USP9X: variants seen among roughly 807,000 people sequenced by gnomAD.
The protein encoded by USP9X is ubiquitin specific peptidase 9 X-linked, also known as ubiquitin carboxyl-terminal hydrolase 9X.
Under a neutral mutation model 190.3 loss-of-function variants are expected in USP9X, and 7 were observed. That is an observed-to-expected ratio of 0.04 (90% CI 0.02 to 0.07). The LOEUF is 0.07. USP9X is among the 10% of genes least tolerant of loss of function. The probability of loss-of-function intolerance (pLI) is 1.00; values close to 1 mark genes in which losing one functional copy is unlikely to be tolerated. For missense variants in USP9X, 1,010 were observed against 1,916.9 expected, an observed-to-expected ratio of 0.53 and a Z score of 8.83; for synonymous variants, 645 against 659.5, an observed-to-expected ratio of 0.98 and a Z score of 0.34.
chrX:41,198,276 AT>A (rs1256875224), intron 29 of USP9X, among the ~76,000 whole-genome samples: 1 of 112,250 alleles, frequency 8.9e-6, no homozygotes, highest in Non-Finnish European at 1.9e-5. Flanking sequence ...TAAAATAAAA[AT>A]TTTGATAAGT....
intron 41 of USP9X, among the ~76,000 whole-genome samples, chrX:41,228,662 T>C (rs1170872773): frequency 7.1e-5 from 8 of 112,143 alleles, no homozygotes; most frequent in African/African-American, 2.3e-4. Flanking sequence ...TCGAGTGTCC[T>C]GAATTCACTT....
chrX:41,223,502 A>G, intron 39 of USP9X, 100 bp downstream of exon 39: 1 of 893,185 alleles, frequency 1.1e-6, no homozygotes, highest in Non-Finnish European at 1.6e-6. Context: ...CAATGGCGTG[A>G]TCTCGGCTCA....
intron 28 of USP9X, among the ~76,000 whole-genome samples, 185 bp from the exon 29 acceptor site, chrX:41,197,174 GTAGTT>G (rs2147190929): frequency 9.0e-6 from 1 of 111,678 alleles, no homozygotes; most frequent in Non-Finnish European, 1.9e-5. Flanking sequence ...ATTTCTTCTA[GTAGTT>G]CATAAAGCCA....
chrX:41,128,973 A>T (rs1349532977), intron 2 of USP9X, 27 bp from the exon 3 acceptor site: 1 of 1,193,776 alleles, frequency 8.4e-7, no homozygotes, highest in Non-Finnish European at 1.1e-6. Context: ...AGAAACTTAA[A>T]TGTGGAATGT....
chrX:41,215,543 A>G (rs1161166359), intron 34 of USP9X, among the ~76,000 whole-genome samples: 3 of 112,747 alleles, frequency 2.7e-5, no homozygotes, highest in African/African-American at 3.2e-5. Flanking sequence ...GGCACTTAGT[A>G]TATATTACCT....
intron 31 of USP9X, 65 bp downstream of exon 31, chrX:41,201,345 T>TAG: frequency 9.8e-7 from 1 of 1,020,471 alleles, no homozygotes; most frequent in Non-Finnish European, 1.4e-6. Flanking sequence ...CTATTCTCTC[T>TAG]TAAGAGAGTG....
rs1227872403 is a variant in USP9X at position 41,205,635 on chromosome X, T to G, written c.5015+142T>G. ...TCAAACTGTCCTTAATTGGGTGGGTTTTTTTTTTTTTTTTTAGGTCCCCTT... is the reference window on the plus strand; with the variant it reads ...TCAAACTGTCCTTAATTGGGTGGGTGTTTTTTTTTTTTTTTAGGTCCCCTT... On this transcript the variant is annotated intron_variant, in intron 32 of 44. Transcript: ENST00000378308. The G allele has an allele frequency of 5.7e-5, 13 of 226,594 alleles. No homozygotes were observed. The South Asian group carries it at 5.7e-4, about 10-fold the overall frequency. 18.7% of individuals were successfully genotyped at this position (226,594 alleles called of 1,213,427 possible).
intron 33 of USP9X, among the ~76,000 whole-genome samples, chrX:41,212,666 A>G (rs954800764): frequency 1.8e-5 from 2 of 111,209 alleles, no homozygotes; most frequent in African/African-American, 6.5e-5. Flanking sequence ...TTGATTTGCA[A>G]TCGTTTTTCA....
In USP9X at chrX:41,086,067, G is replaced by A. The variant is rs771365210; in HGVS notation, c.-201G>A. On this transcript the variant is annotated 5_prime_UTR_variant, in exon 1 of 45. Transcript: ENST00000378308. The stretch of plus-strand genomic sequence containing the variant: ...GCCCCACCGTCGCCTGGTGCCTCCC[G>A]CCTCCGTGTGCCCTGGTTGTGAGAA... 4.1e-3 allele frequency: 1,214 copies of A among 296,413 alleles called. 11 individuals are homozygous for A. Among genetic ancestry groups the A allele is most frequent in the Non-Finnish European group, 1.8e-3 (300 of 170,039 alleles). 24.4% of individuals were successfully genotyped at this position (296,413 alleles called of 1,213,427 possible). A position where few individuals can be genotyped will look rare whatever the true frequency, so the allele number is the denominator to read the frequency against.
rs1205059518 is a variant in USP9X, at chrX:41,224,639, AAAAAT to A, written c.6752-98_6752-94del. 13 of 784,338 alleles carry A rather than the reference AAAAAT, an allele frequency of 1.7e-5. No homozygotes were observed. The Admixed American group carries it at 4.4e-4, about 26-fold the overall frequency. The allele number at this position is 784,338 out of a possible 1,213,427, so 64.6% of individuals were successfully genotyped here. ...CGACAGAGCGAGACTCCATCTTAAAAAAAATAAAAAAAAATTATAGGCTATTTTCT... is the reference window on the plus strand; with the variant it reads ...CGACAGAGCGAGACTCCATCTTAAAAAAAAAAAAATTATAGGCTATTTTCT... On this transcript the variant is annotated intron_variant, in intron 39 of 44. Coordinates refer to ENST00000378308, the MANE Select transcript of USP9X (RefSeq NM_001039591.3).
chrX:41,091,497 A>G (rs1295596631), intron 1 of USP9X, among the ~76,000 whole-genome samples: 1 of 112,357 alleles, frequency 8.9e-6, no homozygotes, highest in African/African-American at 3.2e-5. Flanking sequence ...TCTATCTTTA[A>G]GGTTAGTGGC....
chrX:41,104,830 TGTC>T (rs2062058225), intron 1 of USP9X, among the ~76,000 whole-genome samples: 1 of 111,451 alleles, frequency 9.0e-6, no homozygotes, highest in Non-Finnish European at 1.9e-5. Context: ...CATCATCTGT[TGTC>T]GGCCTGTCTG....
chrX:41,143,466 T>C, intron 10 of USP9X, 23 bp downstream of exon 10: 1 of 1,130,666 alleles, frequency 8.8e-7, no homozygotes, highest in Non-Finnish European at 1.2e-6. Context: ...AGATGATGGC[T>C]ATTTAGTTTT....
At chrX:41,222,541 T>G (rs1326555245) in intron 38 of USP9X, among the ~76,000 whole-genome samples, 1 of 111,788 alleles carries the variant, frequency 8.9e-6, no homozygotes, top group African/African-American at 3.3e-5. Flanking sequence ...GCTTCTCATT[T>G]AATGTAGTTA....
rs1422926911 is a variant in USP9X, at chrX:41,085,482, C to G, written c.-786C>G. Among the ~76,000 whole-genome samples the G allele has an allele frequency of 9.3e-6, 1 of 107,655 alleles. No individual in the cohort carries two copies. The highest frequency in any genetic ancestry group is 1.9e-5 in the Non-Finnish European group (1 of 51,475). 93.5% of individuals were successfully genotyped at this position (107,655 alleles called of 115,157 possible). ...CGCCATATTGACGAGGACGGGCATCCGCGGCTGCGGACGCTAGTCTCCGCC... is the reference window on the plus strand; with the variant it reads ...CGCCATATTGACGAGGACGGGCATCGGCGGCTGCGGACGCTAGTCTCCGCC... On this transcript the variant is annotated 5_prime_UTR_variant, in exon 1 of 45. Coordinates refer to ENST00000378308, the MANE Select transcript of USP9X (RefSeq NM_001039591.3).
At chrX:41,092,168 T>TC (rs2061959489) in intron 1 of USP9X, among the ~76,000 whole-genome samples, 1 of 111,692 alleles carries the variant, frequency 9.0e-6, no homozygotes, top group Non-Finnish European at 1.9e-5. Flanking sequence ...GAGCTGGTGA[T>TC]CGTGCATATT....
chrX:41,189,232 A>C, intron 25 of USP9X, 77 bp from the exon 26 acceptor site: 1 of 1,060,455 alleles, frequency 9.4e-7, no homozygotes, highest in South Asian at 2.2e-5. Context: ...GATGAGTTTT[A>C]AGCACTAACT....
chrX:41,213,737 T>TC (rs765399274), intron 33 of USP9X, among the ~76,000 whole-genome samples: 1 of 112,426 alleles, frequency 8.9e-6, no homozygotes. Flanking sequence ...CTAACTTTTT[T>TC]CCCTCTATGG....
intron 21 of USP9X, among the ~76,000 whole-genome samples, chrX:41,174,286 A>G (rs1490145343): frequency 1.8e-5 from 2 of 111,938 alleles, no homozygotes; most frequent in Non-Finnish European, 3.8e-5. Flanking sequence ...ACATCATTTT[A>G]TATAAGGTAT....
Sources: gnomAD v4.1 joint callset for allele counts (sites outside exome capture counted in the v4.1 genomes callset) on GRCh38, gnomAD v4.1.1 for gene constraint, MANE v1.5 for transcripts, NCBI Gene and HGNC (gene_info 2026-07-23, HGNC 2026-07-21) for gene names.